The following FHIP1A variants were observed in gnomAD, a reference collection of about 807,000 sequenced individuals.
FHIP1A encodes the protein FHF complex subunit HOOK interacting protein 1A.
A neutral mutation model predicts 88.6 loss-of-function variants in FHIP1A; 61 were observed. The observed-to-expected ratio is 0.69, with a 90% CI of 0.56 to 0.85. The LOEUF (loss-of-function observed/expected upper bound fraction) is 0.85. FHIP1A is among the 40% of genes least tolerant of loss of function. The pLI is 0.00. For synonymous variants in FHIP1A, 478 were observed against 496.0 expected, an observed-to-expected ratio of 0.96 and a Z score of 0.48; for missense variants, 1,154 against 1,273.5, an observed-to-expected ratio of 0.91 and a Z score of 1.43.
At chr4:151,621,706 T>C (rs1309987485) in intron 7 of FHIP1A, among the ~76,000 whole-genome samples, 1 of 152,114 alleles carries the variant, frequency 6.6e-6, no homozygotes, top group African/African-American at 2.4e-5. Flanking sequence ...TCCCCTCTAC[T>C]GTGGGTTTTA....
At chr4:151,612,934 C>T (rs1016559381) in intron 7 of FHIP1A, among the ~76,000 whole-genome samples, 46 of 152,278 alleles carry the variant, frequency 3.0e-4, no homozygotes, top group African/African-American at 9.6e-4. Context: ...GTGCTAGAGA[C>T]GCGACACCTT....
intron 3 of FHIP1A, among the ~76,000 whole-genome samples, chr4:151,500,892 A>C (rs1465849959): frequency 6.6e-6 from 1 of 152,238 alleles, no homozygotes; most frequent in East Asian, 1.9e-4. Flanking sequence ...ACACCAGCAT[A>C]TACTTTTATG....
intron 3 of FHIP1A, among the ~76,000 whole-genome samples, chr4:151,486,266 T>G (rs1359749427): frequency 6.6e-6 from 1 of 152,156 alleles, no homozygotes; most frequent in Admixed American, 6.5e-5. Flanking sequence ...TCTAGGTGAT[T>G]CTGATATGTG....
rs1435425837 is a variant in FHIP1A at position 151,459,985 on chromosome 4, T to G, written c.-248+5177T>G. Among the ~76,000 whole-genome samples the G allele has an allele frequency of 2.0e-5, 3 of 152,202 alleles. No individual in the cohort carries two copies. The East Asian group carries it at 5.8e-4, about 29-fold the overall frequency. On this transcript the variant is annotated intron_variant, in intron 2 of 13. Transcript: ENST00000435205. ...GGACAAATGAAATAAAGGGAATCTTTAGATTGCTATTTTGAATGCTTATGA... is the reference window on the plus strand; with the variant it reads ...GGACAAATGAAATAAAGGGAATCTTGAGATTGCTATTTTGAATGCTTATGA...
At chr4:151,545,405 T>G (rs1732457103) in intron 3 of FHIP1A, among the ~76,000 whole-genome samples, 1 of 126,700 alleles carries the variant, frequency 7.9e-6, no homozygotes, top group South Asian at 2.7e-4. Flanking sequence ...TGAGACAGAG[T>G]CTCGCTCTAT....
chr4:151,421,575 G>A (rs1288668054), intron 1 of FHIP1A, among the ~76,000 whole-genome samples: 2 of 152,036 alleles, frequency 1.3e-5, no homozygotes, highest in African/African-American at 4.8e-5. Context: ...GGTAGTCTTG[G>A]CTATATATCC....
intron 1 of FHIP1A, among the ~76,000 whole-genome samples, chr4:151,413,698 G>A (rs565445568): frequency 1.3e-4 from 20 of 151,908 alleles, no homozygotes; most frequent in South Asian, 2.1e-4. Flanking sequence ...CAAGTGATCC[G>A]CCTGCCTCAG....
Position 151,646,624 on chromosome 4 carries a change from C to T in FHIP1A, c.1293C>T (p.Tyr431=). ...QRWAVKERDC[Y]SVSAAKLLAL... is the part of the protein sequence containing the mutation. The stretch of plus-strand genomic sequence containing the variant: ...GGGCTGTGAAGGAGAGAGACTGTTA[C>T]TCTGTTTCTGCGGCCAAGCTTCTCG... Residue 431 remains tyrosine (Y), a synonymous_variant, in exon 10 of 14, where the codon TAC becomes TAT. Coordinates refer to ENST00000435205, the MANE Select transcript of FHIP1A (RefSeq NM_001109977.3). 1 of 1,551,604 alleles carries T rather than the reference C, an allele frequency of 6.4e-7. No individual in the cohort carries two copies. Among genetic ancestry groups the T allele is most frequent in the Non-Finnish European group, 8.7e-7 (1 of 1,146,896 alleles).
At chr4:151,526,665 AC>A (rs1175621631) in intron 3 of FHIP1A, among the ~76,000 whole-genome samples, 1 of 139,896 alleles carries the variant, frequency 7.1e-6, no homozygotes, top group Non-Finnish European at 1.5e-5. Context: ...CGGGGGGCTG[AC>A]CCCCCCTCCT....
intron 3 of FHIP1A, among the ~76,000 whole-genome samples, chr4:151,508,671 G>C (rs1222781364): frequency 6.6e-6 from 1 of 152,162 alleles, no homozygotes. Flanking sequence ...CTCTTGGAAG[G>C]CTTAGAATCA....
At chr4:151,604,774 A>T (rs2126835325) in intron 7 of FHIP1A, among the ~76,000 whole-genome samples, 2 of 151,966 alleles carry the variant, frequency 1.3e-5, no homozygotes, top group Middle Eastern at 6.8e-3. Context: ...GCTTGAACCC[A>T]GGAGGCAGAG....
chr4:151,412,143 G>C (rs1042973636), intron 1 of FHIP1A, among the ~76,000 whole-genome samples: 2 of 152,184 alleles, frequency 1.3e-5, no homozygotes, highest in Admixed American at 1.3e-4. Flanking sequence ...CACTCTTGTT[G>C]CCCAGGCTGG....
chr4:151,516,064 C>CA (rs1344447751), intron 3 of FHIP1A, among the ~76,000 whole-genome samples: 1 of 152,160 alleles, frequency 6.6e-6, no homozygotes, highest in East Asian at 1.9e-4. Context: ...TACAAGGCTA[C>CA]AGTAACCAAA....
At chr4:151,581,044 A>G (rs796816916) in intron 5 of FHIP1A, among the ~76,000 whole-genome samples, 15 of 152,254 alleles carry the variant, frequency 9.9e-5, no homozygotes, top group African/African-American at 3.4e-4. Context: ...TTTTTAGTAG[A>G]GACAGAGTTT....
chr4:151,541,549 G>A (rs955369806), intron 3 of FHIP1A, among the ~76,000 whole-genome samples: 4 of 152,168 alleles, frequency 2.6e-5, no homozygotes, highest in Admixed American at 6.5e-5. Context: ...TGAGTGTGAC[G>A]TTTAAGTTGA....
At chr4:151,459,096 C>G (rs1322213799) in intron 2 of FHIP1A, among the ~76,000 whole-genome samples, 2 of 152,076 alleles carry the variant, frequency 1.3e-5, no homozygotes, top group African/African-American at 2.4e-5. Context: ...TGCATGTGAA[C>G]ATAAACCCTG....
At chr4:151,643,878 T>C (rs901838857) in intron 9 of FHIP1A, among the ~76,000 whole-genome samples, 1 of 152,252 alleles carries the variant, frequency 6.6e-6, no homozygotes, top group Non-Finnish European at 1.5e-5. Context: ...ACTGAAAGCA[T>C]GTGTTTGTAA....
rs997976621 is a variant in FHIP1A at position 151,649,973 on chromosome 4, G to A, written c.1932G>A (p.Val644=). ...CGGACTTTCAGGATGATGTGATGGT[G>A]TACAGGCTGTGTGCTGAGAAGGACT... ...EESDFQDDVM[V]YRLCAEKDSE... Residue 644 remains valine, a synonymous_variant, in exon 11 of 14, where the codon GTG becomes GTA. Transcript: ENST00000435205. 2 of 1,551,530 alleles carry A rather than the reference G, an allele frequency of 1.3e-6. No homozygotes were observed. Among genetic ancestry groups the A allele is most frequent in the Non-Finnish European group, 1.7e-6 (2 of 1,146,992 alleles).
At chr4:151,465,376 A>C (rs909248007) in intron 2 of FHIP1A, among the ~76,000 whole-genome samples, 4 of 152,218 alleles carry the variant, frequency 2.6e-5, no homozygotes, top group African/African-American at 9.6e-5. Context: ...TGAGGCAGTA[A>C]TTAATAGCCT....
Sources: gnomAD v4.1 joint callset for allele counts (sites outside exome capture counted in the v4.1 genomes callset) on GRCh38, gnomAD v4.1.1 for gene constraint, MANE v1.5 for transcripts, NCBI Gene and HGNC (gene_info 2026-07-23, HGNC 2026-07-21) for gene names.